PDS5B: variants seen among roughly 807,000 people sequenced by gnomAD.
PDS5B encodes the protein PDS5 cohesin associated factor B, also known as sister chromatid cohesion protein PDS5 homolog B.
A neutral mutation model predicts 184.1 loss-of-function variants in PDS5B; 51 were observed. That is an observed-to-expected ratio of 0.28 (90% CI 0.22 to 0.35). PDS5B has a LOEUF of 0.35. PDS5B is among the 10% of genes least tolerant of loss of function. PDS5B has a pLI of 1.00. For missense variants in PDS5B, 1,180 were observed against 1,723.3 expected (o/e 0.68, Z 5.58); for synonymous variants, 566 against 569.2 (o/e 0.99, Z 0.08).
At chr13:32,742,422 T>C (rs1434298165) in intron 22 of PDS5B, among the ~76,000 whole-genome samples, 169 bp from the exon 23 acceptor site, 2 of 152,196 alleles carry the variant, frequency 1.3e-5, no homozygotes, top group African/African-American at 4.8e-5. Flanking sequence ...TTTTCTTGGA[T>C]GTTTGAAACA....
intron 19 of PDS5B, among the ~76,000 whole-genome samples, chr13:32,714,680 CTG>C (rs1005098027): frequency 6.6e-6 from 1 of 152,172 alleles, no homozygotes; most frequent in Admixed American, 6.5e-5. Context: ...AAATACGGCT[CTG>C]TTATGCCTGG....
At position 32,667,752 on chromosome 13, in the gene PDS5B, T is replaced by A. The variant is rs763335320; in HGVS notation, c.625-12T>A. On this transcript the variant is annotated splice_polypyrimidine_tract_variant and intron_variant, in intron 6 of 34. Transcript: ENST00000315596. ...AGAGATATATAATATAGATATTGTT[T>A]ATGTTTTTCAGAATTTAAACAAGCA... 1 of 1,537,132 alleles carries A rather than the reference T, an allele frequency of 6.5e-7. No homozygotes were observed. Among genetic ancestry groups the A allele is most frequent in the Non-Finnish European group, 8.9e-7 (1 of 1,124,982 alleles).
intron 1 of PDS5B, among the ~76,000 whole-genome samples, chr13:32,606,349 A>G (rs1045872243): frequency 6.6e-6 from 1 of 152,194 alleles, no homozygotes; most frequent in Non-Finnish European, 1.5e-5. Context: ...TGGATATGAA[A>G]TTCTGGGTTG....
intron 10 of PDS5B, among the ~76,000 whole-genome samples, chr13:32,679,172 G>C (rs1433892813): frequency 1.3e-5 from 2 of 151,400 alleles, no homozygotes; most frequent in African/African-American, 4.9e-5. Flanking sequence ...CTTCTGCCTT[G>C]GTTAAATTAG....
chr13:32,598,151 C>T (rs2057910273), intron 1 of PDS5B, among the ~76,000 whole-genome samples: 1 of 149,710 alleles, frequency 6.7e-6, no homozygotes, highest in South Asian at 2.1e-4. Flanking sequence ...TCTTGGCGCA[C>T]TGCAACCTCC....
chr13:32,768,807 GA>G (rs1215944798), intron 31 of PDS5B, among the ~76,000 whole-genome samples: 938 of 32,058 alleles, frequency 0.029, 10 homozygotes, highest in Middle Eastern at 0.11. Context: ...AAAAAAAAAA[GA>G]AAAAAAAAAA....
intron 1 of PDS5B, among the ~76,000 whole-genome samples, chr13:32,612,347 C>T (rs1358130877): frequency 6.6e-6 from 1 of 152,132 alleles, no homozygotes; most frequent in African/African-American, 2.4e-5. Flanking sequence ...GGATTACAGA[C>T]GTGAGCCACC....
At chr13:32,624,076 A>G (rs1407915251) in intron 1 of PDS5B, among the ~76,000 whole-genome samples, 1 of 152,012 alleles carries the variant, frequency 6.6e-6, no homozygotes, top group Non-Finnish European at 1.5e-5. Context: ...TTTGCCTTGT[A>G]TACTTAATTC....
intron 7 of PDS5B, among the ~76,000 whole-genome samples, chr13:32,669,504 A>G (rs1309594099): frequency 6.6e-6 from 1 of 152,126 alleles, no homozygotes; most frequent in East Asian, 1.9e-4. Flanking sequence ...CAAATTTTGT[A>G]TGTTTGAAAA....
rs1485084659 is a variant in PDS5B at position 32,770,682 on chromosome 13, G to A, written c.4093G>A (p.Glu1365Lys). Residue 1365 changes from glutamate (E) to lysine (K), a missense_variant, in exon 33 of 35, where the codon GAA (glutamate) becomes AAA (lysine). Around this residue, in one of 11 missense-constraint regions of PDS5B, gnomAD observed 465 missense variants for 497.8 expected, o/e 0.93. Coordinates refer to ENST00000315596, the MANE Select transcript of PDS5B (RefSeq NM_015032.4). ...AGAATCTCCTGAATCTAGTGCAATT[G>A]AATCCACACAGTCCACACCACAGAA... ...RAESPESSAI[E>K]STQSTPQKGR... 6.2e-7 allele frequency: 1 copy of A among 1,611,410 alleles called. No homozygotes were observed. Among genetic ancestry groups the A allele is most frequent in the East Asian group, 2.2e-5 (1 of 44,522 alleles).
intron 17 of PDS5B, among the ~76,000 whole-genome samples, chr13:32,705,361 A>G (rs1951980125): frequency 6.6e-6 from 1 of 152,182 alleles, no homozygotes; most frequent in Non-Finnish European, 1.5e-5. Context: ...ATAGTTGGAG[A>G]TAAGAGAATA....
chr13:32,771,000 A>G, intron 33 of PDS5B: 1 of 443,798 alleles, frequency 2.3e-6, no homozygotes, highest in Non-Finnish European at 4.0e-6. Flanking sequence ...TATTTCCTAT[A>G]CAGACTTTAT....
chr13:32,703,990 T>A (rs913029885), intron 17 of PDS5B, among the ~76,000 whole-genome samples: 7 of 152,206 alleles, frequency 4.6e-5, no homozygotes, highest in Non-Finnish European at 8.8e-5. Context: ...ACAAGGCTGT[T>A]CACCCAGTTG....
chr13:32,601,336 A>G (rs1214016972), intron 1 of PDS5B, among the ~76,000 whole-genome samples: 1 of 152,236 alleles, frequency 6.6e-6, no homozygotes, highest in African/African-American at 2.4e-5. Flanking sequence ...ACTGGGCGTT[A>G]AACACAGTTG....
chr13:32,686,302 T>C (rs959516925), intron 11 of PDS5B, among the ~76,000 whole-genome samples: 8 of 152,242 alleles, frequency 5.3e-5, no homozygotes, highest in Non-Finnish European at 1.0e-4. Context: ...GTCCCAGATG[T>C]ACAGAATGGA....
At chr13:32,734,070 C>G (rs1338481463) in intron 20 of PDS5B, among the ~76,000 whole-genome samples, 1 of 151,286 alleles carries the variant, frequency 6.6e-6, no homozygotes, top group African/African-American at 2.4e-5. Context: ...CTCTGTCATC[C>G]AGGCTGGAGT....
intron 19 of PDS5B, among the ~76,000 whole-genome samples, chr13:32,723,781 C>G (rs1172153394): frequency 6.6e-6 from 1 of 152,068 alleles, no homozygotes; most frequent in Non-Finnish European, 1.5e-5. Context: ...CTGAAGTAAC[C>G]ACAGAATAAT....
At position 32,598,840 on chromosome 13, in the gene PDS5B, G is replaced by A. The variant is rs183045437; in HGVS notation, c.-20+12247G>A. 1.2e-3 allele frequency among the ~76,000 whole-genome samples: 164 copies of A among 140,590 alleles called. 1 individual carries two copies. Among genetic ancestry groups the A allele is most frequent in the East Asian group, 1.8e-3 (9 of 4,872 alleles). 92.2% of individuals were successfully genotyped at this position (140,590 alleles called of 152,430 possible). A position where few individuals can be genotyped will look rare whatever the true frequency, so the allele number is the denominator to read the frequency against. ...GGCAGGAGTGCAGTGGCACTATCTC[G>A]GCTTACTGCAGGCTCCGCCTCCTGG... On this transcript the variant is annotated intron_variant, in intron 1 of 34. Transcript: ENST00000315596.
At chr13:32,741,729 G>T (rs1283234820) in intron 22 of PDS5B, among the ~76,000 whole-genome samples, 1 of 151,564 alleles carries the variant, frequency 6.6e-6, no homozygotes, top group Non-Finnish European at 1.5e-5. Flanking sequence ...GTGTGTGTGT[G>T]TGTGTGTGTG....
Sources: allele counts gnomAD v4.1 joint callset (sites outside exome capture counted in the v4.1 genomes callset), GRCh38; gene constraint gnomAD v4.1.1; regional missense constraint gnomAD v4.1.1; transcripts MANE v1.5; gene names NCBI Gene and HGNC (gene_info 2026-07-23, HGNC 2026-07-21).